Variants in SVOPL observed in about 807,000 individuals in gnomAD.
SVOPL encodes SVOP like.
In SVOPL, 60 loss-of-function variants were observed where a neutral mutation model predicts 61.0. The ratio of observed to expected loss-of-function variants is 0.98; its 90% confidence interval spans 0.80 to 1.22. The LOEUF is 1.22. Among genes scored for constraint, SVOPL ranks in the 50% most tolerant of loss-of-function variants. The pLI, the probability that SVOPL is intolerant of heterozygous loss-of-function variation, is 0.00. For missense variants in SVOPL, 662 were observed against 643.9 expected (o/e 1.03, Z -0.30); for synonymous variants, 279 against 250.0 (o/e 1.12, Z -1.09).
At chr7:138,610,805 A>G (rs536166240) in intron 14 of SVOPL, among the ~76,000 whole-genome samples, 2 of 152,298 alleles carry the variant, frequency 1.3e-5, no homozygotes, top group Admixed American at 1.3e-4. Context: ...CCAAGAATCT[A>G]TTTGTTCTAG....
chr7:138,700,388 G>T (rs1803165702), intron 1 of SVOPL, among the ~76,000 whole-genome samples: 3 of 147,376 alleles, frequency 2.0e-5, no homozygotes, highest in South Asian at 2.2e-4. Context: ...GCCCAGGCTG[G>T]AGTGCCGTGG....
chr7:138,644,197 CAAAAAAAAAAAA>C (rs71179714), intron 9 of SVOPL, among the ~76,000 whole-genome samples: 23 of 50,412 alleles, frequency 4.6e-4, no homozygotes, highest in East Asian at 1.5e-3. Context: ...AAGACTCCAT[CAAAAAAAAAAAA>C]AAAAAAAAAA....
chr7:138,685,529 C>A (rs906400329), intron 1 of SVOPL, among the ~76,000 whole-genome samples: 1 of 152,010 alleles, frequency 6.6e-6, no homozygotes, highest in Admixed American at 6.6e-5. Flanking sequence ...CAGCATTGAG[C>A]CTATAGTTAA....
At chr7:138,693,490 G>A (rs1802988430) in intron 1 of SVOPL, among the ~76,000 whole-genome samples, 1 of 132,410 alleles carries the variant, frequency 7.6e-6, no homozygotes, top group Admixed American at 8.6e-5. Flanking sequence ...GAGAAAGAGA[G>A]AGAGAAAGAA....
chr7:138,612,424 T>TAAAAAAAAAAAAAAA (rs1281500368), intron 14 of SVOPL, among the ~76,000 whole-genome samples: 3 of 41,264 alleles, frequency 7.3e-5, no homozygotes, highest in Non-Finnish European at 1.6e-4. Flanking sequence ...AAAAAAAAAA[T>TAAAAAAAAAAAAAAA]AAAATAAAAA....
intron 1 of SVOPL, among the ~76,000 whole-genome samples, chr7:138,698,306 C>T (rs1260378982): frequency 6.6e-6 from 1 of 152,196 alleles, no homozygotes; most frequent in Non-Finnish European, 1.5e-5. Context: ...GCCTACCCAA[C>T]ATCAGGGTTT....
intron 1 of SVOPL, among the ~76,000 whole-genome samples, chr7:138,684,300 G>T (rs1306443319): frequency 6.6e-6 from 1 of 150,526 alleles, no homozygotes. Context: ...GGGAGGCGGA[G>T]CTTGCAGTGA....
At chr7:138,623,620 A>G (rs114454910) in intron 13 of SVOPL, among the ~76,000 whole-genome samples, 179 of 152,224 alleles carry the variant, frequency 1.2e-3, no homozygotes, top group African/African-American at 4.2e-3. Context: ...AAATAAAATC[A>G]AATAAAATAC....
chr7:138,663,150 A>C lies in SVOPL; in HGVS notation c.274-5T>G. 2 of 1,613,312 alleles carry C rather than the reference A, an allele frequency of 1.2e-6. No individual in the cohort carries two copies. The highest frequency in any genetic ancestry group is 1.7e-6 in the Non-Finnish European group (2 of 1,179,740). ...CATGTAGCCAAAAAACACCATCTGC[A>C]AGTGGGAGCGAGATAAAACGGTTCT... On this transcript the variant is annotated splice_polypyrimidine_tract_variant and splice_region_variant and intron_variant, in intron 4 of 15. Transcript: ENST00000674285.
rs528910904 is a variant in SVOPL at position 138,657,464 on chromosome 7, T to C, written c.471-953A>G. ...GCCTGATTCCCTTTTCTAAAACACA[T>C]TGGGAAATTAAAATACACCTGAGAG... On this transcript the variant is annotated intron_variant, in intron 6 of 15. Coordinates refer to ENST00000674285, the MANE Select transcript of SVOPL (RefSeq NM_001139456.2). Among the ~76,000 whole-genome samples the C allele has an allele frequency of 2.0e-5, 3 of 152,138 alleles. No individual in the cohort carries two copies. In the East Asian group the frequency reaches 5.8e-4, roughly 29 times the overall value.
chr7:138,628,553 G>T (rs909916837), intron 10 of SVOPL, among the ~76,000 whole-genome samples, 190 bp from the exon 11 acceptor site: 8 of 152,162 alleles, frequency 5.3e-5, no homozygotes, highest in African/African-American at 1.9e-4. Context: ...TGCCTGTCGG[G>T]TGTAAACCTA....
At chr7:138,611,877 C>T (rs1347364543) in intron 14 of SVOPL, among the ~76,000 whole-genome samples, 6 of 77,724 alleles carry the variant, frequency 7.7e-5, no homozygotes, top group South Asian at 5.7e-4. Flanking sequence ...GCCCGGCCGC[C>T]ACCCCGTCTG....
At chr7:138,649,226 T>A in intron 7 of SVOPL, 89 bp from the exon 8 acceptor site, 1 of 1,444,642 alleles carries the variant, frequency 6.9e-7, no homozygotes, top group Non-Finnish European at 9.2e-7. Flanking sequence ...TTAGAAAGAT[T>A]AAAATTCCTT....
At chr7:138,622,240 A>G (rs1563096705) in intron 13 of SVOPL, among the ~76,000 whole-genome samples, 1 of 132,454 alleles carries the variant, frequency 7.5e-6, no homozygotes, top group Non-Finnish European at 1.6e-5. Context: ...CTATGTATCT[A>G]TCTATCTATC....
chr7:138,696,839 G>A (rs1261663239), intron 1 of SVOPL, among the ~76,000 whole-genome samples: 1 of 152,146 alleles, frequency 6.6e-6, no homozygotes, highest in African/African-American at 2.4e-5. Flanking sequence ...AGAGTGCTGG[G>A]ACTTACAGAT....
At position 138,672,035 on chromosome 7, in the gene SVOPL, AC is replaced by A; in HGVS notation, c.256del (p.Val86TrpfsTer3). The A allele has an allele frequency of 2.6e-6, 4 of 1,551,618 alleles. No individual in the cohort carries two copies. The highest frequency in any genetic ancestry group is 3.5e-6 in the Non-Finnish European group (4 of 1,146,996). On this transcript the variant is annotated frameshift_variant, in exon 4 of 16. Transcript: ENST00000674285. LOFTEE classifies it high-confidence loss of function. ...GGTACTTACCGTGGTTACTAATGCCACCTGCCAATTCTCCAGTTGCCATTCA... is the reference window on the plus strand; with the variant it reads ...GGTACTTACCGTGGTTACTAATGCCACTGCCAATTCTCCAGTTGCCATTCA... ...RCEWQLENWQ[V>X]ALVTTMVFFG...
chr7:138,646,969 T>C (rs1801145633), intron 8 of SVOPL, among the ~76,000 whole-genome samples: 1 of 152,216 alleles, frequency 6.6e-6, no homozygotes, highest in Non-Finnish European at 1.5e-5. Context: ...CCAACTGGGC[T>C]TGTCCAGAAG....
chr7:138,691,203 G>A (rs532378030), intron 1 of SVOPL, among the ~76,000 whole-genome samples: 5 of 152,218 alleles, frequency 3.3e-5, no homozygotes, highest in Admixed American at 2.0e-4. Context: ...AAAACCAAAA[G>A]GAATCTGGCT....
Position 138,627,342 on chromosome 7 carries a change from G to C in SVOPL, c.1181+8C>G, listed in dbSNP as rs998987424. 1 of 1,604,068 alleles carries C rather than the reference G, an allele frequency of 6.2e-7. No individual in the cohort carries two copies. The highest frequency in any genetic ancestry group is 8.5e-7 in the Non-Finnish European group (1 of 1,171,106). ...GCACAAAATCTGAAGCAATTAAACAGAAAATACCTTGAAGTGCAAATGTTG... is the reference window on the plus strand; with the variant it reads ...GCACAAAATCTGAAGCAATTAAACACAAAATACCTTGAAGTGCAAATGTTG... On this transcript the variant is annotated splice_region_variant and intron_variant, in intron 12 of 15. Coordinates refer to ENST00000674285, the MANE Select transcript of SVOPL (RefSeq NM_001139456.2).
Sources: allele counts gnomAD v4.1 joint callset (sites outside exome capture counted in the v4.1 genomes callset), GRCh38; gene constraint gnomAD v4.1.1; transcripts MANE v1.5; gene names NCBI Gene and HGNC (gene_info 2026-07-23, HGNC 2026-07-21).